NBEA: variants seen among roughly 807,000 people sequenced by gnomAD.
The protein encoded by NBEA is neurobeachin, also known as lysosomal-trafficking regulator 2.
A neutral mutation model predicts 343.4 loss-of-function variants in NBEA; 44 were observed. The ratio of observed to expected loss-of-function variants is 0.13; its 90% CI spans 0.10 to 0.16. The LOEUF (loss-of-function observed/expected upper bound fraction) is 0.16. Ranked by LOEUF, NBEA falls within the 10% of genes least tolerant of loss-of-function variation. The probability of loss-of-function intolerance (pLI) is 1.00; values close to 1 mark genes in which losing one functional copy is unlikely to be tolerated. For missense variants in NBEA, 2,555 were observed against 3,631.3 expected (o/e 0.70, Z 7.62); for synonymous variants, 1,175 against 1,238.7 (o/e 0.95, Z 1.08).
chr13:35,587,288 T>G (rs1320569071), intron 46 of NBEA, among the ~76,000 whole-genome samples: 1 of 152,202 alleles, frequency 6.6e-6, no homozygotes, highest in Non-Finnish European at 1.5e-5. Context: ...ATATATTTCT[T>G]AAGCTACACA....
Position 35,348,480 on chromosome 13 carries a change from C to T in NBEA, c.5904-628C>T, listed in dbSNP as rs953494068. Among the ~76,000 whole-genome samples, 6 of 151,806 alleles carry T rather than the reference C, an allele frequency of 4.0e-5. No homozygotes were observed. The East Asian group carries it at 5.8e-4, about 15-fold the overall frequency. On this transcript the variant is annotated intron_variant, in intron 36 of 58. Coordinates refer to ENST00000379939, the MANE Select transcript of NBEA (RefSeq NM_001385012.1). ...GTTACTACACATTTTAAAAATAATT[C>T]GAATCTCCTAAATAAGTAACTTCTG...
chr13:35,280,992 G>A (rs1287883077), intron 34 of NBEA, among the ~76,000 whole-genome samples: 1 of 151,824 alleles, frequency 6.6e-6, no homozygotes, highest in Non-Finnish European at 1.5e-5. Flanking sequence ...CTTCTTTATT[G>A]TATCATTATT....
chr13:35,604,029 A>C (rs1296974583), intron 47 of NBEA, among the ~76,000 whole-genome samples: 3 of 152,218 alleles, frequency 2.0e-5, no homozygotes, highest in African/African-American at 7.2e-5. Context: ...TGAGAACAGC[A>C]GTGATTCTTT....
rs938208413 is a variant in NBEA, at chr13:35,384,521, CT to C, written c.6179+32220del. 9.0e-3 allele frequency among the ~76,000 whole-genome samples: 1,066 copies of C among 119,046 alleles called. 6 individuals are homozygous for C. Among genetic ancestry groups the C allele is most frequent in the African/African-American group, 0.022 (678 of 31,506 alleles). The allele number at this position is 119,046 out of a possible 152,430, so 78.1% of individuals were successfully genotyped here. A position where few individuals can be genotyped will look rare whatever the true frequency, so the allele number is the denominator to read the frequency against. On this transcript the variant is annotated intron_variant, in intron 38 of 58. Coordinates refer to ENST00000379939, the MANE Select transcript of NBEA (RefSeq NM_001385012.1). ...ATCAGCATCTAGAACCTTGAATAATCTTTTTTTTTTTTTTTTTTTTTTGAGA... is the reference window on the plus strand; with the variant it reads ...ATCAGCATCTAGAACCTTGAATAATCTTTTTTTTTTTTTTTTTTTTTGAGA...
intron 35 of NBEA, among the ~76,000 whole-genome samples, chr13:35,309,163 G>A (rs1049125019): frequency 6.6e-6 from 1 of 151,830 alleles, no homozygotes; most frequent in African/African-American, 2.4e-5. Flanking sequence ...TTCTATATGA[G>A]GAGCTAAAGT....
chr13:34,956,929 G>C (rs933851235), intron 1 of NBEA, among the ~76,000 whole-genome samples: 4 of 151,984 alleles, frequency 2.6e-5, no homozygotes, highest in African/African-American at 9.7e-5. Flanking sequence ...GGGCTTACAG[G>C]TGTGAGCCAC....
chr13:35,652,272 C>T (rs1426136505), intron 53 of NBEA, among the ~76,000 whole-genome samples: 1 of 150,652 alleles, frequency 6.6e-6, no homozygotes, highest in Non-Finnish European at 1.5e-5. Flanking sequence ...TGCAGCAAAC[C>T]AACATGGCAC....
At chr13:34,997,153 G>C (rs2152521432) in intron 1 of NBEA, among the ~76,000 whole-genome samples, 1 of 152,172 alleles carries the variant, frequency 6.6e-6, no homozygotes, top group East Asian at 1.9e-4. Flanking sequence ...TTGTTTTCCA[G>C]TGAGATAACT....
intron 38 of NBEA, among the ~76,000 whole-genome samples, chr13:35,384,894 G>A (rs1296763859): frequency 6.6e-6 from 1 of 152,110 alleles, no homozygotes; most frequent in African/African-American, 2.4e-5. Flanking sequence ...GAAAGATTAT[G>A]ATATTGCACC....
At chr13:35,164,554 T>C in intron 24 of NBEA, 45 bp downstream of exon 24, 1 of 1,568,280 alleles carries the variant, frequency 6.4e-7, no homozygotes, top group Non-Finnish European at 8.7e-7. Context: ...TATAAATACA[T>C]GACTTTAGCA....
chr13:35,439,433 G>A (rs555739773), intron 39 of NBEA, among the ~76,000 whole-genome samples: 53 of 152,226 alleles, frequency 3.5e-4, no homozygotes, highest in Non-Finnish European at 6.0e-4. Flanking sequence ...CCAGGTTATC[G>A]GGGAGTAAAG....
chr13:35,118,309 C>G lies in NBEA; in HGVS notation c.2145+19C>G. 1 of 1,563,204 alleles carries G rather than the reference C, an allele frequency of 6.4e-7. No homozygotes were observed. Among genetic ancestry groups the G allele is most frequent in the South Asian group, 1.2e-5 (1 of 84,442 alleles). ...GCATGAGGTAGGACATGTTATGGGC[C>G]TTTTATTTTAATTATTTAAGCCAAT... On this transcript the variant is annotated intron_variant, in intron 15 of 58. Coordinates refer to ENST00000379939, the MANE Select transcript of NBEA (RefSeq NM_001385012.1).
intron 1 of NBEA, among the ~76,000 whole-genome samples, chr13:35,005,129 T>C (rs1015496556): frequency 6.6e-6 from 1 of 152,194 alleles, no homozygotes; most frequent in Non-Finnish European, 1.5e-5. Context: ...GCATGTCTTG[T>C]ATTAGCATTT....
intron 38 of NBEA, among the ~76,000 whole-genome samples, chr13:35,372,739 G>T (rs1223183758): frequency 6.6e-6 from 1 of 152,064 alleles, no homozygotes; most frequent in Non-Finnish European, 1.5e-5. Flanking sequence ...CATTTCTGGG[G>T]GCAGTGGGGA....
intron 1 of NBEA, among the ~76,000 whole-genome samples, chr13:34,944,985 A>T (rs1245205288): frequency 6.6e-6 from 1 of 152,164 alleles, no homozygotes; most frequent in African/African-American, 2.4e-5. Flanking sequence ...TAAGAAAGGA[A>T]GTGAAATGTT....
At chr13:35,552,112 C>T (rs902557372) in intron 43 of NBEA, among the ~76,000 whole-genome samples, 1 of 152,196 alleles carries the variant, frequency 6.6e-6, no homozygotes, top group Non-Finnish European at 1.5e-5. Context: ...ACAATGTCTA[C>T]CACATAGACT....
intron 48 of NBEA, among the ~76,000 whole-genome samples, chr13:35,611,845 A>G (rs1288686882): frequency 6.6e-6 from 1 of 152,166 alleles, no homozygotes; most frequent in Non-Finnish European, 1.5e-5. Context: ...ACTTTTTGGC[A>G]ATTTTGAGTA....
chr13:35,324,580 G>C (rs186071620), intron 36 of NBEA, among the ~76,000 whole-genome samples: 1 of 152,144 alleles, frequency 6.6e-6, no homozygotes. Flanking sequence ...AACAAAACCT[G>C]AATAAATACT....
At chr13:35,177,221 T>C in intron 28 of NBEA, 118 bp downstream of exon 28, 1 of 697,886 alleles carries the variant, frequency 1.4e-6, no homozygotes, top group Non-Finnish European at 2.5e-6. Context: ...GGATTGTTGG[T>C]TTATTGCATA....
Sources: gnomAD v4.1 joint callset for allele counts (sites outside exome capture counted in the v4.1 genomes callset) on GRCh38, gnomAD v4.1.1 for gene constraint, MANE v1.5 for transcripts, NCBI Gene and HGNC (gene_info 2026-07-23, HGNC 2026-07-21) for gene names.